The following WNK2 variants were observed in gnomAD, a reference collection of about 807,000 sequenced individuals.
WNK2 encodes WNK lysine deficient protein kinase 2.
In WNK2, 67 loss-of-function variants were observed where a neutral mutation model predicts 192.1. The ratio of observed to expected loss-of-function variants is 0.35; its 90% CI spans 0.29 to 0.43. The LOEUF (loss-of-function observed/expected upper bound fraction) is 0.43. WNK2 is among the 20% of genes least tolerant of loss of function. WNK2 has a pLI of 1.00. For synonymous variants in WNK2, 1,439 were observed against 1,393.9 expected (o/e 1.03, Z -0.72); for missense variants, 2,698 against 3,089.7 (o/e 0.87, Z 3.01).
chr9:93,248,333 C>T (rs989581189), intron 8 of WNK2, among the ~76,000 whole-genome samples: 7 of 152,348 alleles, frequency 4.6e-5, no homozygotes, highest in Admixed American at 3.9e-4. Flanking sequence ...GATTAAGGCT[C>T]AATGAAGTTC....
At chr9:93,201,090 C>T (rs1173351868) in intron 2 of WNK2, among the ~76,000 whole-genome samples, 1 of 152,148 alleles carries the variant, frequency 6.6e-6, no homozygotes, top group Non-Finnish European at 1.5e-5. Flanking sequence ...CTAGGCGTCC[C>T]CTCCCAGCAG....
At chr9:93,317,704 C>A (rs772017485) in intron 29 of WNK2, 73 bp downstream of exon 29, 1 of 1,542,868 alleles carries the variant, frequency 6.5e-7, no homozygotes, top group East Asian at 2.4e-5. Context: ...CTGCTCCCAG[C>A]TCCAGTGTCC....
At chr9:93,284,270 A>G (rs1227806254) in intron 19 of WNK2, among the ~76,000 whole-genome samples, 6 of 152,242 alleles carry the variant, frequency 3.9e-5, no homozygotes, top group South Asian at 2.1e-4. Flanking sequence ...TAACAGGTCA[A>G]TCTCTTCCTC....
At chr9:93,261,372 C>G (rs1243001876) in intron 12 of WNK2, among the ~76,000 whole-genome samples, 1 of 152,224 alleles carries the variant, frequency 6.6e-6, no homozygotes. Context: ...GTGAGAAAGC[C>G]AAGCCTAAGC....
Position 93,247,434 on chromosome 9 carries a change from G to A in WNK2, c.1543-109G>A, listed in dbSNP as rs1020180174. 4 of 1,270,154 alleles carry A rather than the reference G, an allele frequency of 3.1e-6. No individual in the cohort carries two copies. The highest frequency in any genetic ancestry group is 2.6e-5 in the East Asian group (1 of 38,958). The allele number at this position is 1,270,154 out of a possible 1,614,324, so 78.7% of individuals were successfully genotyped here. A position where few individuals can be genotyped will look rare whatever the true frequency, so the allele number is the denominator to read the frequency against. ...TTACATTCAGTGGCAGTGGGATGGC[G>A]AGCGTGTCCTGCGTGGATGAGCCAG... On this transcript the variant is annotated intron_variant, in intron 7 of 29. Coordinates refer to ENST00000427277, the MANE Select transcript of WNK2 (RefSeq NM_006648.4). This position sits in a 1 kb window ranked among gnomAD's most constrained non-coding sequence, Gnocchi z 5.2.
At chr9:93,314,249 T>G (rs1854191207) in intron 28 of WNK2, among the ~76,000 whole-genome samples, 1 of 152,096 alleles carries the variant, frequency 6.6e-6, no homozygotes, top group South Asian at 2.1e-4. Context: ...GCCATTGCAC[T>G]CCAGCCTGGG....
intron 29 of WNK2, chr9:93,318,103 T>G: frequency 6.3e-7 from 1 of 1,582,200 alleles, no homozygotes; most frequent in Non-Finnish European, 8.6e-7. Context: ...GTCGTCACCC[T>G]GCAGAAGTAC....
At chr9:93,192,946 T>C (rs73651378) in intron 2 of WNK2, among the ~76,000 whole-genome samples, 8 of 152,268 alleles carry the variant, frequency 5.3e-5, no homozygotes, top group African/African-American at 1.9e-4. Context: ...GCCTGTGGCT[T>C]GGGTCTGGCT....
At chr9:93,271,694 C>T (rs1846028340) in intron 19 of WNK2, among the ~76,000 whole-genome samples, 1 of 152,196 alleles carries the variant, frequency 6.6e-6, no homozygotes, top group African/African-American at 2.4e-5. Flanking sequence ...AAAGGGCTAA[C>T]TTGTGTGTCA....
intron 24 of WNK2, 90 bp downstream of exon 24, chr9:93,298,157 C>G: frequency 6.4e-6 from 9 of 1,402,166 alleles, no homozygotes; most frequent in Non-Finnish European, 8.7e-6. Context: ...GTGTGACACC[C>G]TCGGACCTGG....
chr9:93,300,197 TCTCCC>T, intron 26 of WNK2, 48 bp downstream of exon 26: 1 of 1,481,510 alleles, frequency 6.7e-7, no homozygotes, highest in South Asian at 1.1e-5. Flanking sequence ...CCCTTGGTTT[TCTCCC>T]CCCACCCCCT....
chr9:93,272,738 C>CAAAAAAAAAAAAAAAA (rs35641750), intron 19 of WNK2, among the ~76,000 whole-genome samples: 1 of 90,802 alleles, frequency 1.1e-5, no homozygotes, highest in African/African-American at 5.2e-5. Flanking sequence ...AACTCCGTCT[C>CAAAAAAAAAAAAAAAA]AAAAAAAAAA....
chr9:93,312,111 C>T (rs894559325), intron 28 of WNK2, among the ~76,000 whole-genome samples: 15 of 152,106 alleles, frequency 9.9e-5, no homozygotes, highest in East Asian at 5.8e-4. Flanking sequence ...TGAATCAGCT[C>T]GTTTTTTTCA....
chr9:93,257,117 C>T lies in WNK2; in HGVS notation c.2360C>T (p.Pro787Leu), dbSNP rs138191048. Residue 787 changes from proline to leucine, a missense_variant, in exon 11 of 30, where the codon CCG becomes CTG. Physicochemically the swap from Pro to Leu is moderately conservative, Grantham distance 98. Around this residue, in one of 7 missense-constraint regions of WNK2, gnomAD observed 893 missense variants for 909.0 expected, o/e 0.98. Coordinates refer to ENST00000427277, the MANE Select transcript of WNK2 (RefSeq NM_006648.4). This position sits in a 1 kb window ranked among gnomAD's most constrained non-coding sequence, Gnocchi z 4.7. ...PLQMPQAPLQPLAQVPPQMPP... is the reference protein window; with the variant it reads ...PLQMPQAPLQLLAQVPPQMPP... ...CAGATGCCACAGGCGCCCCTGCAGCCGCTTGCTCAAGTCCCTCCGCAGGTA... is the reference window on the plus strand; with the variant it reads ...CAGATGCCACAGGCGCCCCTGCAGCTGCTTGCTCAAGTCCCTCCGCAGGTA... The T allele has an allele frequency of 1.9e-5, 30 of 1,608,760 alleles. No homozygotes were observed. Among genetic ancestry groups the T allele is most frequent in the African/African-American group, 1.2e-4 (9 of 74,684 alleles).
At chr9:93,305,580 G>A (rs539185808) in intron 26 of WNK2, among the ~76,000 whole-genome samples, 9 of 152,350 alleles carry the variant, frequency 5.9e-5, no homozygotes, top group Non-Finnish European at 2.9e-5. Context: ...GGAACAGACA[G>A]AATGGACTAA....
At chr9:93,204,837 A>C (rs993769056) in intron 2 of WNK2, among the ~76,000 whole-genome samples, 2 of 152,004 alleles carry the variant, frequency 1.3e-5, no homozygotes, top group Non-Finnish European at 2.9e-5. Context: ...GGGGACCCCA[A>C]GCTGGGCAGA....
In WNK2 at chr9:93,292,596, G is replaced by A; in HGVS notation, c.5131G>A (p.Val1711Met). Residue 1711 changes from valine (V) to methionine (M), a missense_variant, in exon 23 of 30, where the codon GTG (valine) becomes ATG (methionine). Val to Met is a conservative substitution (Grantham distance 21). Transcript: ENST00000427277. ...GCCCCCGCCGAGTGACATGGGCACA[G>A]TGGGGGGCCAGGCTAGCCACCCCCA... ...AEPPPSDMGT[V>M]GGQASHPQTL... is the part of the protein sequence containing the mutation. 1 of 1,582,068 alleles carries A rather than the reference G, an allele frequency of 6.3e-7. No individual in the cohort carries two copies. The highest frequency in any genetic ancestry group is 8.6e-7 in the Non-Finnish European group (1 of 1,162,438).
Position 93,320,351 on chromosome 9 carries a change from C to A in WNK2, c.6629-16C>A. 1.5e-6 allele frequency: 2 copies of A among 1,367,504 alleles called. No homozygotes were observed. Among genetic ancestry groups the A allele is most frequent in the Non-Finnish European group, 2.0e-6 (2 of 1,021,758 alleles). 84.7% of individuals were successfully genotyped at this position (1,367,504 alleles called of 1,614,324 possible). A position where few individuals can be genotyped will look rare whatever the true frequency, so the allele number is the denominator to read the frequency against. On this transcript the variant is annotated splice_polypyrimidine_tract_variant and intron_variant, in intron 29 of 29. Transcript: ENST00000427277. ...TGCGGTGGGCCCACAGTCAGCTGCG[C>A]GGTTTTGTTTTCCAGATCCTGAGAG...
intron 21 of WNK2, among the ~76,000 whole-genome samples, chr9:93,290,326 T>C (rs1401898182): frequency 6.6e-6 from 1 of 151,834 alleles, no homozygotes; most frequent in African/African-American, 2.4e-5. Flanking sequence ...TTAAGCTTCT[T>C]ATGAGCTTTT....
Sources: allele counts gnomAD v4.1 joint callset (sites outside exome capture counted in the v4.1 genomes callset), GRCh38; gene constraint gnomAD v4.1.1; regional missense constraint gnomAD v4.1.1; non-coding constraint Gnocchi (gnomAD v3.1); transcripts MANE v1.5; gene names NCBI Gene and HGNC (gene_info 2026-07-23, HGNC 2026-07-21).